Variants in F11 observed in about 807,000 individuals in gnomAD.
F11 encodes coagualtion factor XI.
Under a neutral mutation model 76.5 loss-of-function variants are expected in F11, and 78 were observed. The ratio of observed to expected loss-of-function variants is 1.02; its 90% CI spans 0.85 to 1.23. The LOEUF is 1.23. Ranked by LOEUF, F11 falls within the 50% of genes most tolerant of loss-of-function variation. The pLI is 0.00. For missense variants in F11, 742 were observed against 771.4 expected (o/e 0.96, Z 0.45); for synonymous variants, 278 against 276.3 (o/e 1.01, Z -0.06).
At position 186,280,262 on chromosome 4, in the gene F11, T is replaced by C. The variant is rs1740697992; in HGVS notation, c.905T>C (p.Leu302Ser). ...HSSFYHDTDF[L>S]GEELDIVAAK... Reference sequence around the variant, plus strand: ...TCATTTTACCATGACACTGATTTCTTGGGAGAAGAACTGGATATTGTTGCT... The same window carrying C: ...TCATTTTACCATGACACTGATTTCTCGGGAGAAGAACTGGATATTGTTGCT... Residue 302 changes from leucine (L) to serine (S), a missense_variant, in exon 9 of 15, where the codon TTG becomes TCG. By Grantham distance (145) the Leu-to-Ser change is moderately radical. Transcript: ENST00000403665. The C allele has an allele frequency of 6.2e-7, 1 of 1,614,220 alleles. No homozygotes were observed. Among genetic ancestry groups the C allele is most frequent in the Non-Finnish European group, 8.5e-7 (1 of 1,180,048 alleles).
intron 10 of F11, chr4:186,282,081 T>G: frequency 3.3e-6 from 4 of 1,209,066 alleles, no homozygotes; most frequent in Non-Finnish European, 3.2e-6. Context: ...TCTGTTGTCT[T>G]TCTTCTACTT....
At chr4:186,286,616 A>G in intron 13 of F11, 106 bp downstream of exon 13, 1 of 1,562,952 alleles carries the variant, frequency 6.4e-7, no homozygotes, top group Non-Finnish European at 8.7e-7. Context: ...CACACTACTC[A>G]GTTGCAGGAA....
Position 186,288,608 on chromosome 4 carries a change from AGTGT to A in F11, c.1874_1877del (p.Val625GlufsTer11). On this transcript the variant is annotated frameshift_variant and stop_lost, in exon 15 of 15. Coordinates refer to ENST00000403665, the MANE Select transcript of F11 (RefSeq NM_000128.4). LOFTEE classifies it high-confidence loss of function. The stretch of plus-strand genomic sequence containing the variant: ...ACTGGATTCTGGAGAAAACTCAAGC[AGTGT>A]GAATGGGTTCCCAGGGGCCATTGGA... 6.2e-7 allele frequency: 1 copy of A among 1,613,944 alleles called. No homozygotes were observed. Among genetic ancestry groups the A allele is most frequent in the Non-Finnish European group, 8.5e-7 (1 of 1,179,920 alleles).
At chr4:186,282,307 A>G (rs955012705) in intron 10 of F11, 1 of 985,312 alleles carries the variant, frequency 1.0e-6, no homozygotes, top group Non-Finnish European at 1.2e-6. Flanking sequence ...GAGAAAATGT[A>G]AGATAAAGGA....
chr4:186,289,602 C>G lies in F11; in HGVS notation c.*988C>G, dbSNP rs527698722. On this transcript the variant is annotated 3_prime_UTR_variant, in exon 15 of 15. Transcript: ENST00000403665. Reference sequence around the variant, plus strand: ...ATATTTATCTCATTATTGTTGTGATCTAGTTCAATAACCTAGAATTTGAAT... The same window carrying G: ...ATATTTATCTCATTATTGTTGTGATGTAGTTCAATAACCTAGAATTTGAAT... 5.9e-5 allele frequency among the ~76,000 whole-genome samples: 9 copies of G among 152,036 alleles called. No homozygotes were observed. In the South Asian group the frequency reaches 1.9e-3, roughly 32 times the overall value.
intron 5 of F11, 49 bp downstream of exon 5, chr4:186,274,324 G>A (rs1740212318): frequency 1.2e-6 from 2 of 1,612,522 alleles, no homozygotes; most frequent in African/African-American, 1.3e-5. Context: ...ACAGAATCGT[G>A]ATTTACTAAA....
At position 186,280,622 on chromosome 4, in the gene F11, ATTCCATGC is replaced by A; in HGVS notation, c.1135+46_1135+53del. The A allele has an allele frequency of 4.3e-6, 6 of 1,397,604 alleles. No homozygotes were observed. In the African/African-American group the frequency reaches 5.7e-5, roughly 13 times the overall value. The allele number at this position is 1,397,604 out of a possible 1,614,324, so 86.6% of individuals were successfully genotyped here. On this transcript the variant is annotated intron_variant, in intron 10 of 14. Coordinates refer to ENST00000403665, the MANE Select transcript of F11 (RefSeq NM_000128.4). ...TTGAAAAAATATAGCTGAAGGAATT[ATTCCATGC>A]TTCATACATCACAATCAAGACTGTC...
In F11 at chr4:186,281,876, T is replaced by C. The variant is rs1241768076; in HGVS notation, c.1135+1296T>C. On this transcript the variant is annotated intron_variant, in intron 10 of 14. Coordinates refer to ENST00000403665, the MANE Select transcript of F11 (RefSeq NM_000128.4). ...TTCTGAGAACTTGTTTTGTAGAACA[T>C]AAAGACGTTATATTGCCTCCAACAC... The C allele has an allele frequency of 2.5e-6, 3 of 1,221,048 alleles. No homozygotes were observed. In the East Asian group the frequency reaches 1.8e-4, roughly 73 times the overall value. 75.6% of individuals were successfully genotyped at this position (1,221,048 alleles called of 1,614,324 possible). A position where few individuals can be genotyped will look rare whatever the true frequency, so the allele number is the denominator to read the frequency against.
chr4:186,283,108 A>G (rs1229335453), intron 10 of F11: 1 of 926,178 alleles, frequency 1.1e-6, no homozygotes, highest in African/African-American at 1.8e-5. Context: ...GCTTGTTAGA[A>G]AGAATTTCAG....
intron 14 of F11, among the ~76,000 whole-genome samples, chr4:186,288,075 C>CT (rs140874355): frequency 0.17 from 24,979 of 145,710 alleles, 2,101 homozygotes; most frequent in Middle Eastern, 0.2. Context: ...CAGCTAGCGT[C>CT]TTTTTTTTTT....
At position 186,281,859 on chromosome 4, in the gene F11, A is replaced by C; in HGVS notation, c.1135+1279A>C. 6 of 1,204,194 alleles carry C rather than the reference A, an allele frequency of 5.0e-6. No individual in the cohort carries two copies. In the South Asian group the frequency reaches 9.2e-5, roughly 18 times the overall value. 74.6% of individuals were successfully genotyped at this position (1,204,194 alleles called of 1,614,324 possible). On this transcript the variant is annotated intron_variant, in intron 10 of 14. Coordinates refer to ENST00000403665, the MANE Select transcript of F11 (RefSeq NM_000128.4). ...GCGAATCAATCCTTAATTTCTGAGA[A>C]CTTGTTTTGTAGAACATAAAGACGT...
chr4:186,275,336 A>T (rs1740281231), intron 5 of F11, among the ~76,000 whole-genome samples: 1 of 151,706 alleles, frequency 6.6e-6, no homozygotes, highest in South Asian at 2.1e-4. Flanking sequence ...ACTAAAAAAG[A>T]ATACAAAAAT....
chr4:186,273,163 C>T lies in F11; in HGVS notation c.311C>T (p.Ser104Leu), dbSNP rs745811081. Residue 104 changes from serine to leucine, a missense_variant, in exon 4 of 15, where the codon TCA (serine) becomes TTA (leucine). Ser to Leu is a moderately radical substitution (Grantham distance 145). Coordinates refer to ENST00000403665, the MANE Select transcript of F11 (RefSeq NM_000128.4). ...TCTGGGTATTCTTTCAAGCAATGCTCACACCAAATAAGCGGTAAGATATGT... is the reference window on the plus strand; with the variant it reads ...TCTGGGTATTCTTTCAAGCAATGCTTACACCAAATAAGCGGTAAGATATGT... ...AISGYSFKQCSHQISACNKDI... is the reference protein window; with the variant it reads ...AISGYSFKQCLHQISACNKDI... 3 of 1,612,672 alleles carry T rather than the reference C, an allele frequency of 1.9e-6. No individual in the cohort carries two copies. Among genetic ancestry groups the T allele is most frequent in the Admixed American group, 3.3e-5 (2 of 60,004 alleles).
At chr4:186,288,040 GA>G (rs1457611966) in intron 14 of F11, among the ~76,000 whole-genome samples, 1 of 151,624 alleles carries the variant, frequency 6.6e-6, no homozygotes, top group Non-Finnish European at 1.5e-5. Context: ...AAATAGCTGG[GA>G]CTACAGGCGC....
intron 5 of F11, 96 bp from the exon 6 acceptor site, chr4:186,275,691 A>G (rs778558427): frequency 5.6e-5 from 49 of 874,314 alleles, no homozygotes; most frequent in Non-Finnish European, 8.7e-5. Context: ...GGGGTCTCGC[A>G]GGTCCTCTCT....
At chr4:186,274,644 T>C (rs1740235979) in intron 5 of F11, 1 of 298,724 alleles carries the variant, frequency 3.3e-6, no homozygotes, top group Non-Finnish European at 6.4e-6. Context: ...ACTCTCTCTC[T>C]CTCTAAATAA....
In F11 at chr4:186,280,514, A is replaced by G. The variant is rs750667026; in HGVS notation, c.1069A>G (p.Thr357Ala). The G allele has an allele frequency of 7.4e-6, 12 of 1,614,096 alleles. No homozygotes were observed. In the Admixed American group the frequency reaches 1.8e-4, roughly 25 times the overall value. Residue 357 changes from threonine (T) to alanine (A), a missense_variant, in exon 10 of 15, where the codon ACT (threonine) becomes GCT (alanine). Coordinates refer to ENST00000403665, the MANE Select transcript of F11 (RefSeq NM_000128.4). ...YLKLSSNGSP[T>A]KILHGRGGIS... is the part of the protein sequence containing the mutation. The stretch of plus-strand genomic sequence containing the variant: ...AAAGCTTTCTTCAAACGGATCTCCA[A>G]CTAAAATACTTCACGGGAGAGGAGG...
Position 186,286,623 on chromosome 4 carries a change from G to A in F11, c.1576+113G>A, listed in dbSNP as rs1741226872. The A allele has an allele frequency of 3.2e-6, 5 of 1,551,900 alleles. No homozygotes were observed. The East Asian group carries it at 7.1e-5, about 22-fold the overall frequency. On this transcript the variant is annotated intron_variant, in intron 13 of 14. Transcript: ENST00000403665. The stretch of plus-strand genomic sequence containing the variant: ...ACTCGAGTCACACTACTCAGTTGCA[G>A]GAAGCGGATTAATAAAGATGGAGAG...
intron 7 of F11, among the ~76,000 whole-genome samples, chr4:186,278,079 C>T (rs1740517919): frequency 6.6e-6 from 1 of 152,210 alleles, no homozygotes; most frequent in Non-Finnish European, 1.5e-5. Context: ...GATTACAAGC[C>T]TGAGCCACTA....
Sources: gnomAD v4.1 joint callset for allele counts (sites outside exome capture counted in the v4.1 genomes callset) on GRCh38, gnomAD v4.1.1 for gene constraint, MANE v1.5 for transcripts, NCBI Gene and HGNC (gene_info 2026-07-23, HGNC 2026-07-21) for gene names.